CNGB1: variants seen among roughly 807,000 people sequenced by gnomAD.
CNGB1 encodes the protein cyclic nucleotide-gated channel beta-1.
In CNGB1, 126 loss-of-function variants were observed where a neutral mutation model predicts 151.7. That is an observed-to-expected ratio of 0.83 (90% CI 0.72 to 0.96). The LOEUF (loss-of-function observed/expected upper bound fraction) is 0.96. Among genes scored for constraint, CNGB1 ranks in the 40% least tolerant of loss-of-function variants. The pLI is 0.00. For missense variants in CNGB1, 1,698 were observed against 1,627.0 expected (o/e 1.04, Z -0.75); for synonymous variants, 623 against 635.1 (o/e 0.98, Z 0.29).
At chr16:57,955,275 C>A (rs1454866518) in intron 12 of CNGB1, 2 of 1,550,438 alleles carry the variant, frequency 1.3e-6, no homozygotes, top group African/African-American at 2.7e-5. Flanking sequence ...GTCTTCTCTT[C>A]AGGGCATCCT....
At chr16:57,904,245 G>A (rs1596962803) in intron 26 of CNGB1, among the ~76,000 whole-genome samples, 1 of 152,260 alleles carries the variant, frequency 6.6e-6, no homozygotes, top group Non-Finnish European at 1.5e-5. Flanking sequence ...ACACCATGGG[G>A]GAAAGCTCCT....
At chr16:57,962,301 C>T (rs545848250) in intron 7 of CNGB1, among the ~76,000 whole-genome samples, 1 of 152,320 alleles carries the variant, frequency 6.6e-6, no homozygotes, top group South Asian at 2.1e-4. Flanking sequence ...GAGCTCATCC[C>T]TGCCCCTCCC....
At chr16:57,952,090 C>T (rs1392320086) in intron 12 of CNGB1, among the ~76,000 whole-genome samples, 1 of 152,276 alleles carries the variant, frequency 6.6e-6, no homozygotes, top group East Asian at 1.9e-4. Flanking sequence ...CCACTCTAAG[C>T]AGCCCCTTGG....
At chr16:57,900,866 A>G (rs1192913888) in intron 29 of CNGB1, among the ~76,000 whole-genome samples, 1 of 152,048 alleles carries the variant, frequency 6.6e-6, no homozygotes, top group Non-Finnish European at 1.5e-5. Context: ...TTAGAAAAAA[A>G]AAAACCCACA....
At chr16:57,887,651 C>T (rs951203450) in intron 32 of CNGB1, among the ~76,000 whole-genome samples, 17 of 152,152 alleles carry the variant, frequency 1.1e-4, no homozygotes, top group African/African-American at 2.2e-4. Context: ...CTGAACTTTT[C>T]GATTACGTGA....
intron 17 of CNGB1, among the ~76,000 whole-genome samples, chr16:57,929,928 AAAAT>A (rs753689588): frequency 6.6e-6 from 1 of 152,226 alleles, no homozygotes; most frequent in African/African-American, 2.4e-5. Context: ...CATGATCCAA[AAAAT>A]AAATAAATAA....
chr16:57,955,109 CTGCCCATGGCTGGCCT>C, intron 12 of CNGB1: 1 of 1,411,854 alleles, frequency 7.1e-7, no homozygotes, highest in South Asian at 1.5e-5. Flanking sequence ...ATCTTGCAGG[CTGCCCATGGCTGGCCT>C]TCCCCTTGTT....
chr16:57,887,832 G>A, intron 32 of CNGB1, 23 bp downstream of exon 32: 1 of 1,610,944 alleles, frequency 6.2e-7, no homozygotes, highest in Non-Finnish European at 8.5e-7. Flanking sequence ...TGAACGTGGT[G>A]GCTGGGTTCC....
rs771075912 is a variant in CNGB1 at position 57,958,478 on chromosome 16, C to A, written c.769G>T (p.Ala257Ser). Residue 257 changes from alanine to serine, a missense_variant, in exon 11 of 33, where the codon GCA (alanine) becomes TCA (serine). Ala to Ser is a moderately conservative substitution (Grantham distance 99). Coordinates refer to ENST00000251102, the MANE Select transcript of CNGB1 (RefSeq NM_001297.5). ...PPTRDPARLV[A>S]WVLHRLEMAL... ...ATCTCCAGCCTGTGCAGGACCCATGCCACCAGCCTGCAGGTGGGAGAGAGT... is the reference window on the plus strand; with the variant it reads ...ATCTCCAGCCTGTGCAGGACCCATGACACCAGCCTGCAGGTGGGAGAGAGT... 1.2e-6 allele frequency: 2 copies of A among 1,614,076 alleles called. No individual in the cohort carries two copies. Among genetic ancestry groups the A allele is most frequent in the East Asian group, 2.2e-5 (1 of 44,868 alleles).
intron 32 of CNGB1, among the ~76,000 whole-genome samples, chr16:57,885,001 T>C (rs1269482973): frequency 1.3e-5 from 2 of 152,170 alleles, no homozygotes; most frequent in African/African-American, 4.8e-5. Context: ...ACCCCTGCTA[T>C]TGGGCTGCGC....
Position 57,883,107 on chromosome 16 carries a change from A to T in CNGB1, c.*1057T>A, listed in dbSNP as rs1959803472. 1 of 152,180 alleles carries T rather than the reference A, an allele frequency of 6.6e-6. No homozygotes were observed. Among genetic ancestry groups the T allele is most frequent in the Non-Finnish European group, 1.5e-5 (1 of 68,038 alleles). The allele number at this position is 152,180 out of a possible 1,614,324, so 9.4% of individuals were successfully genotyped here. A position where few individuals can be genotyped will look rare whatever the true frequency, so the allele number is the denominator to read the frequency against. On this transcript the variant is annotated 3_prime_UTR_variant, in exon 33 of 33. Transcript: ENST00000251102. ...ATCTGTTCTGAGATAATGGCATTGCATTGGAATTGAATAGAGTCTGGGGAA... is the reference window on the plus strand; with the variant it reads ...ATCTGTTCTGAGATAATGGCATTGCTTTGGAATTGAATAGAGTCTGGGGAA...
intron 25 of CNGB1, among the ~76,000 whole-genome samples, chr16:57,907,088 C>A (rs182578487): frequency 1.2e-4 from 18 of 152,182 alleles, no homozygotes; most frequent in Non-Finnish European, 2.6e-4. Context: ...CCCTGCAGGA[C>A]GACATTTGGG....
chr16:57,912,576 G>GT (rs1960750134), intron 24 of CNGB1, among the ~76,000 whole-genome samples: 4 of 150,276 alleles, frequency 2.7e-5, no homozygotes, highest in Non-Finnish European at 5.9e-5. Flanking sequence ...CCTGTGTTGT[G>GT]TGTGTGTGTG....
intron 31 of CNGB1, among the ~76,000 whole-genome samples, chr16:57,892,371 C>T (rs1434897285): frequency 1.3e-5 from 2 of 152,126 alleles, no homozygotes; most frequent in Admixed American, 6.6e-5. Context: ...TGGCACGCAC[C>T]ACTGATGTGG....
intron 31 of CNGB1, among the ~76,000 whole-genome samples, chr16:57,888,923 T>C (rs545320790): frequency 6.6e-6 from 1 of 152,244 alleles, no homozygotes; most frequent in East Asian, 1.9e-4. Context: ...ATTTACTGAG[T>C]GTCTGTATAT....
chr16:57,941,690 A>C (rs1242139522), intron 14 of CNGB1, among the ~76,000 whole-genome samples: 3 of 152,228 alleles, frequency 2.0e-5, no homozygotes, highest in African/African-American at 4.8e-5. Context: ...CATATAGAAG[A>C]AATGGACCGC....
At position 57,920,432 on chromosome 16, in the gene CNGB1, G is replaced by C; in HGVS notation, c.1756C>G (p.Leu586Val). 6.2e-7 allele frequency: 1 copy of C among 1,614,214 alleles called. No homozygotes were observed. Among genetic ancestry groups the C allele is most frequent in the Non-Finnish European group, 8.5e-7 (1 of 1,180,042 alleles). Reference sequence around the variant, plus strand: ...TCAGAGGTGACGTCAGGGTCAATGAGTTTCTCCTTCACTTTCTCTGTCCGC... The same window carrying C: ...TCAGAGGTGACGTCAGGGTCAATGACTTTCTCCTTCACTTTCTCTGTCCGC... ...KERTEKVKEK[L>V]IDPDVTSDEE... The change falls in exon 19 of 33, where the codon CTC becomes GTC. Residue 586 changes from leucine to valine, a missense_variant. Coordinates refer to ENST00000251102, the MANE Select transcript of CNGB1 (RefSeq NM_001297.5).
At chr16:57,967,708 T>A (rs1243061868) in intron 1 of CNGB1, among the ~76,000 whole-genome samples, 1 of 151,898 alleles carries the variant, frequency 6.6e-6, no homozygotes, top group African/African-American at 2.4e-5. Context: ...AAATATATAA[T>A]ATATATACAC....
chr16:57,897,757 T>C, intron 30 of CNGB1, 39 bp downstream of exon 30: 9 of 1,604,128 alleles, frequency 5.6e-6, no homozygotes, highest in Non-Finnish European at 7.7e-6. Context: ...TTCCCAGCCC[T>C]TGCCCCAGGC....
Sources: allele counts gnomAD v4.1 joint callset (sites outside exome capture counted in the v4.1 genomes callset), GRCh38; gene constraint gnomAD v4.1.1; transcripts MANE v1.5; gene names NCBI Gene and HGNC (gene_info 2026-07-23, HGNC 2026-07-21).